ZDHHC6: variants seen among roughly 807,000 people sequenced by gnomAD.
ZDHHC6 encodes palmitoyltransferase ZDHHC6.
Under a neutral mutation model 57.8 loss-of-function variants are expected in ZDHHC6, and 32 were observed. The observed-to-expected ratio is 0.55, with a 90% CI of 0.42 to 0.74. The LOEUF (loss-of-function observed/expected upper bound fraction) is 0.74, where lower values mean the gene tolerates loss of function less well. Ranked by LOEUF, ZDHHC6 falls within the 30% of genes least tolerant of loss-of-function variation. The pLI is 0.00. For synonymous variants in ZDHHC6, 128 were observed against 158.0 expected, an observed-to-expected ratio of 0.81 and a Z score of 1.42; for missense variants, 433 against 500.7, an observed-to-expected ratio of 0.86 and a Z score of 1.29.
chr10:112,429,727 A>G (rs994912177), downstream of ZDHHC6, among the ~76,000 whole-genome samples: 1 of 152,184 alleles, frequency 6.6e-6, no homozygotes, highest in African/African-American at 2.4e-5. Context: ...GAGTAGTTTG[A>G]TATCACTATG....
chr10:112,432,151 G>T, intron 10 of ZDHHC6, 89 bp downstream of exon 10: 1 of 1,290,742 alleles, frequency 7.7e-7, no homozygotes, highest in Non-Finnish European at 1.1e-6. Context: ...AATGCATTAG[G>T]CATGATTGGT....
downstream of ZDHHC6, chr10:112,427,343 G>C: frequency 6.2e-7 from 1 of 1,612,648 alleles, no homozygotes; most frequent in South Asian, 1.1e-5. Flanking sequence ...GCCTGTATGA[G>C]CACATCCAGG....
exon 12 of ZDHHC6, chr10:112,424,562 T>C (rs1207161919): frequency 6.6e-6 from 1 of 152,238 alleles, no homozygotes; most frequent in Non-Finnish European, 1.5e-5. Context: ...ACCAGGGTTA[T>C]AGAAGGCTGC....
chr10:112,426,904 T>A (rs1844745966), downstream of ZDHHC6: 4 of 1,495,884 alleles, frequency 2.7e-6, no homozygotes, highest in Middle Eastern at 1.7e-4. Context: ...GTCAGAAAGT[T>A]TTGTTTAAAG....
In ZDHHC6 at chr10:112,443,536, T is replaced by C. The variant is rs1199789783; in HGVS notation, c.338A>G (p.His113Arg). The C allele has an allele frequency of 1.2e-6, 2 of 1,613,936 alleles. No individual in the cohort carries two copies. The highest frequency in any genetic ancestry group is 2.2e-5 in the East Asian group (1 of 44,856). Reference protein sequence around the residue: ...VCQAYKAPRSHHCRKCNRCVM... With the variant: ...VCQAYKAPRSRHCRKCNRCVM... ...GTACCTGTTACACTTTCTGCAGTGA[T>C]GTGAACGTGGTGCCTTGTATGCTTG... The change falls in exon 3 of 11, where the codon CAT (histidine) becomes CGT (arginine). Residue 113 changes from histidine (H) to arginine (R), a missense_variant. Coordinates refer to ENST00000369405, the MANE Select transcript of ZDHHC6 (RefSeq NM_022494.3).
rs767198238 is a variant in ZDHHC6 at position 112,434,395 on chromosome 10, A to G, written c.805T>C (p.Trp269Arg). Residue 269 changes from tryptophan (W) to arginine (R), a missense_variant, in exon 7 of 11, where the codon TGG becomes CGG. By Grantham distance (101) the Trp-to-Arg change is moderately radical (BLOSUM62 -3). Coordinates refer to ENST00000369405, the MANE Select transcript of ZDHHC6 (RefSeq NM_022494.3). The part of the protein sequence containing the change: ...FVFPYDMGSR[W>R]RNFKQVFTWS... ...GTAAATACCTGTTTAAAGTTCCTCC[A>G]TCTACTTCCCATATCATATGGAAAA... 17 of 1,614,018 alleles carry G rather than the reference A, an allele frequency of 1.1e-5. No individual in the cohort carries two copies. Among genetic ancestry groups the G allele is most frequent in the Non-Finnish European group, 1.4e-5 (16 of 1,179,914 alleles).
At chr10:112,430,973 TA>T (rs1844967558) in intron 10 of ZDHHC6, 66 bp from the exon 11 acceptor site, 2 of 1,299,534 alleles carry the variant, frequency 1.5e-6, no homozygotes, top group East Asian at 4.6e-5. Context: ...CTGAAAGCAG[TA>T]AGTCCTATTA....
intron 8 of ZDHHC6, 116 bp from the exon 9 acceptor site, chr10:112,432,637 T>A: frequency 1.5e-6 from 2 of 1,330,384 alleles, no homozygotes; most frequent in African/African-American, 1.5e-5. Flanking sequence ...GCCTTCTAGT[T>A]CCCCTTCTAG....
At position 112,434,486 on chromosome 10, in the gene ZDHHC6, G is replaced by A. The variant is rs751412354; in HGVS notation, c.736-22C>T. On this transcript the variant is annotated intron_variant, in intron 6 of 10. Coordinates refer to ENST00000369405, the MANE Select transcript of ZDHHC6 (RefSeq NM_022494.3). ...TAGCCTGTGGGTAACAAAGATATAA[G>A]ATGGCAGGTGCCTCTGTCTAAGTGG... 3 of 1,600,428 alleles carry A rather than the reference G, an allele frequency of 1.9e-6. No individual in the cohort carries two copies. The South Asian group carries it at 3.4e-5, about 18-fold the overall frequency.
At chr10:112,436,272 T>G (rs1225162749) in intron 6 of ZDHHC6, among the ~76,000 whole-genome samples, 1 of 152,132 alleles carries the variant, frequency 6.6e-6, no homozygotes, top group Admixed American at 6.5e-5. Flanking sequence ...GTGAGGAGTT[T>G]GAGACCAGCC....
intron 7 of ZDHHC6, 149 bp downstream of exon 7, chr10:112,434,148 A>AG (rs1845294918): frequency 2.8e-6 from 2 of 705,482 alleles, no homozygotes; most frequent in Non-Finnish European, 4.4e-6. Flanking sequence ...ACATGATACA[A>AG]GGAGTGCTTT....
At chr10:112,433,791 A>G (rs7100970) in intron 7 of ZDHHC6, among the ~76,000 whole-genome samples, 21,884 of 152,210 alleles carry the variant, frequency 0.14, 1,723 homozygotes, top group Middle Eastern at 0.21. Context: ...GAATCTTATG[A>G]AGTTACAGAT....
upstream of ZDHHC6, chr10:112,447,083 A>G (rs1846847279): frequency 2.3e-6 from 1 of 438,564 alleles, no homozygotes; most frequent in Non-Finnish European, 4.3e-6. Context: ...CAGAACTTGC[A>G]TATTTTCATA....
downstream of ZDHHC6, chr10:112,428,236 C>T: frequency 2.6e-6 from 1 of 381,710 alleles, no homozygotes; most frequent in South Asian, 1.5e-4. Flanking sequence ...AAGATGCCCA[C>T]ACAACAGGCT....
chr10:112,426,853 T>C (rs1480387925), downstream of ZDHHC6: 3 of 1,611,302 alleles, frequency 1.9e-6, no homozygotes, highest in African/African-American at 4.0e-5. Flanking sequence ...TTAAAACTTT[T>C]GAACAGGTGT....
downstream of ZDHHC6, chr10:112,427,379 G>C: frequency 6.3e-7 from 1 of 1,594,042 alleles, no homozygotes; most frequent in Non-Finnish European, 8.5e-7. Context: ...TTAAGTACCT[G>C]CCGGCCCACT....
chr10:112,428,341 T>C, downstream of ZDHHC6: 1 of 398,018 alleles, frequency 2.5e-6, no homozygotes, highest in Non-Finnish European at 4.4e-6. Flanking sequence ...TTTCTACTTG[T>C]AAATGTAAAG....
At chr10:112,439,601 G>A (rs778526443) in intron 5 of ZDHHC6, among the ~76,000 whole-genome samples, 10 of 114,998 alleles carry the variant, frequency 8.7e-5, no homozygotes, top group Non-Finnish European at 1.3e-4. Flanking sequence ...TTGTTCTCTA[G>A]CCTGGGTGAC....
At position 112,445,358 on chromosome 10, in the gene ZDHHC6, CT is replaced by C; in HGVS notation, c.78del (p.Ile26MetfsTer6). 1.2e-6 allele frequency: 2 copies of C among 1,614,226 alleles called. No homozygotes were observed. The highest frequency in any genetic ancestry group is 8.5e-7 in the Non-Finnish European group (1 of 1,180,048). On this transcript the variant is annotated frameshift_variant, in exon 2 of 11. Transcript: ENST00000369405. LOFTEE classifies it high-confidence loss of function. Reference sequence around the variant, plus strand: ...GAACATATTGCTATAACACCAAGGGCTATGATGGGACCCCAGTGACACAGTC... The same window carrying C: ...GAACATATTGCTATAACACCAAGGGCATGATGGGACCCCAGTGACACAGTC... ...LKRLCHWGPI[I>X]ALGVIAICST...
Sources: allele counts gnomAD v4.1 joint callset (sites outside exome capture counted in the v4.1 genomes callset), GRCh38; gene constraint gnomAD v4.1.1; transcripts MANE v1.5; gene names NCBI Gene and HGNC (gene_info 2026-07-23, HGNC 2026-07-21).